The following MAP3K5 variants were observed in gnomAD, a reference collection of about 807,000 sequenced individuals.
MAP3K5 encodes the protein mitogen-activated protein kinase kinase kinase 5, also known as ASK-1.
In MAP3K5, 56 loss-of-function variants were observed where a neutral mutation model predicts 158.7. The ratio of observed to expected loss-of-function variants is 0.35; its 90% confidence interval spans 0.28 to 0.44. MAP3K5 has a LOEUF of 0.44. Among genes scored for constraint, MAP3K5 ranks in the 20% least tolerant of loss-of-function variants. MAP3K5 has a pLI of 1.00. For synonymous variants in MAP3K5, 579 were observed against 601.7 expected, an observed-to-expected ratio of 0.96 and a Z score of 0.55; for missense variants, 1,294 against 1,674.8, an observed-to-expected ratio of 0.77 and a Z score of 3.97.
chr6:136,592,176 A>T lies in MAP3K5; in HGVS notation c.3222T>A (p.Ala1074=). Reference sequence around the variant, plus strand: ...AAGCACCTGGGAGAGGATTTACCTGAGCTAAAGATTCCATTAGGTTTCTCA... The same window carrying T: ...AAGCACCTGGGAGAGGATTTACCTGTGCTAAAGATTCCATTAGGTTTCTCA... The part of the protein sequence containing the change: ...KIVRNLMESL[A]QGAEEPKLKW... Residue 1074 remains alanine (A), a synonymous_variant, in exon 23 of 30, where the codon GCT becomes GCA. Transcript: ENST00000359015. 1 of 1,583,200 alleles carries T rather than the reference A, an allele frequency of 6.3e-7. No homozygotes were observed.
intron 7 of MAP3K5, 122 bp downstream of exon 7, chr6:136,694,018 G>A (rs1780496421): frequency 1.4e-6 from 1 of 702,856 alleles, no homozygotes; most frequent in African/African-American, 1.8e-5. Context: ...TAAAATCTAA[G>A]GTTTAGTTCA....
intron 1 of MAP3K5, among the ~76,000 whole-genome samples, chr6:136,723,877 TAAAG>T (rs1337819475): frequency 6.6e-6 from 1 of 152,092 alleles, no homozygotes; most frequent in Non-Finnish European, 1.5e-5. Context: ...TTAATACAAA[TAAAG>T]AGTTTTCTTT....
intron 3 of MAP3K5, among the ~76,000 whole-genome samples, chr6:136,704,472 C>G (rs1382893438): frequency 6.6e-6 from 1 of 152,164 alleles, no homozygotes; most frequent in Non-Finnish European, 1.5e-5. Flanking sequence ...GTGTGTGTAT[C>G]TGTGTGTGGA....
At position 136,698,663 on chromosome 6, in the gene MAP3K5, G is replaced by A. The variant is rs753459431; in HGVS notation, c.632C>T (p.Thr211Ile). ...TGGAGTTATCATGTAAGGAACAAAG[G>A]TGTAGTTCCCAGTGCACATCTGCGG... Reference protein sequence around the residue: ...QKNTMCTGNYTFVPYMITPHN... With the variant: ...QKNTMCTGNYIFVPYMITPHN... Residue 211 changes from threonine to isoleucine, a missense_variant, in exon 4 of 30, where the codon ACC becomes ATC. Transcript: ENST00000359015. The A allele has an allele frequency of 6.2e-7, 1 of 1,613,722 alleles. No homozygotes were observed. Among genetic ancestry groups the A allele is most frequent in the South Asian group, 1.1e-5 (1 of 91,068 alleles).
intron 26 of MAP3K5, among the ~76,000 whole-genome samples, chr6:136,563,446 T>C (rs1830603815): frequency 6.6e-6 from 1 of 152,226 alleles, no homozygotes; most frequent in Non-Finnish European, 1.5e-5. Flanking sequence ...ATATCTGGCA[T>C]ATAACAAATT....
rs181637982 is a variant in MAP3K5 at position 136,771,993 on chromosome 6, C to T, written c.448+19717G>A. On this transcript the variant is annotated intron_variant, in intron 1 of 29. Coordinates refer to ENST00000359015, the MANE Select transcript of MAP3K5 (RefSeq NM_005923.4). ...GGAGTGCAGTGGCTCACTGCAACCT[C>T]TGCTTCCCAGGTTCAAGCGATTCTC... 2.0e-3 allele frequency among the ~76,000 whole-genome samples: 303 copies of T among 151,898 alleles called. 4 individuals are homozygous for T. The highest frequency in any genetic ancestry group is 0.017 in the Admixed American group (267 of 15,262).
rs758532405 is a variant in MAP3K5 at position 136,669,426 on chromosome 6, T to A, written c.1254-31A>T. ...AAAAACCACAAATGTACAAGTTAAC[T>A]TTCTCAATCATGAAACCCTGGGTGT... On this transcript the variant is annotated intron_variant, in intron 7 of 29. Transcript: ENST00000359015. The A allele has an allele frequency of 3.9e-6, 5 of 1,291,062 alleles. No homozygotes were observed. In the South Asian group the frequency reaches 6.0e-5, roughly 16 times the overall value. 80.0% of individuals were successfully genotyped at this position (1,291,062 alleles called of 1,614,324 possible).
chr6:136,628,133 A>G (rs969652208), intron 14 of MAP3K5, among the ~76,000 whole-genome samples: 7 of 151,378 alleles, frequency 4.6e-5, no homozygotes, highest in African/African-American at 1.7e-4. Flanking sequence ...TTTTTTTTAA[A>G]GAGTGTTTTG....
chr6:136,633,829 G>A (rs998219841), intron 14 of MAP3K5, among the ~76,000 whole-genome samples: 1 of 152,232 alleles, frequency 6.6e-6, no homozygotes, highest in African/African-American at 2.4e-5. Flanking sequence ...AAAACATTAA[G>A]TAGCATTTCC....
chr6:136,733,548 T>C (rs1782316251), intron 1 of MAP3K5, among the ~76,000 whole-genome samples: 1 of 152,358 alleles, frequency 6.6e-6, no homozygotes, highest in East Asian at 1.9e-4. Flanking sequence ...AAAAGTGTTA[T>C]TCTCCTTCCA....
Position 136,600,999 on chromosome 6 carries a change from G to A in MAP3K5, c.2878+23C>T, listed in dbSNP as rs1775849397. 3.7e-6 allele frequency: 6 copies of A among 1,613,344 alleles called. No individual in the cohort carries two copies. In the South Asian group the frequency reaches 5.5e-5, roughly 15 times the overall value. On this transcript the variant is annotated intron_variant, in intron 21 of 29. Transcript: ENST00000359015. The stretch of plus-strand genomic sequence containing the variant: ...ACCAGACACCAGGTCTCAGCTCAAT[G>A]GGCAAAGTAAAAACAAACTCACCAT...
intron 28 of MAP3K5, 48 bp from the exon 29 acceptor site, chr6:136,558,924 A>G: frequency 2.2e-6 from 2 of 924,840 alleles, no homozygotes. Context: ...TATAACTTTA[A>G]TAAAGCACAA....
chr6:136,575,028 T>G (rs1479822059), intron 25 of MAP3K5, among the ~76,000 whole-genome samples: 1 of 152,080 alleles, frequency 6.6e-6, no homozygotes, highest in Non-Finnish European at 1.5e-5. Flanking sequence ...GAAATAATTT[T>G]AGGATAACAG....
At chr6:136,615,919 T>C (rs1017752186) in intron 15 of MAP3K5, among the ~76,000 whole-genome samples, 1 of 152,154 alleles carries the variant, frequency 6.6e-6, no homozygotes, top group African/African-American at 2.4e-5. Context: ...GAGTAAGTGC[T>C]TTAGCTAAAG....
rs375000630 is a variant in MAP3K5 at position 136,656,439 on chromosome 6, C to T, written c.1548G>A (p.Glu516=). 6.3e-6 allele frequency: 10 copies of T among 1,595,486 alleles called. No homozygotes were observed. In the South Asian group the frequency reaches 8.0e-5, roughly 13 times the overall value. ...TPAWYLKSIV[E]TILIYKHFVK... Reference sequence around the variant, plus strand: ...CAAAATGCTTATATATTAAAATTGTCTCTACAATAGACTTGAGGTACCTGA... The same window carrying T: ...CAAAATGCTTATATATTAAAATTGTTTCTACAATAGACTTGAGGTACCTGA... The change falls in exon 10 of 30, where the codon GAG becomes GAA. Residue 516 remains glutamate (E), a synonymous_variant. Transcript: ENST00000359015.
chr6:136,722,030 G>A (rs564487205), intron 1 of MAP3K5, among the ~76,000 whole-genome samples: 2 of 152,216 alleles, frequency 1.3e-5, no homozygotes, highest in Non-Finnish European at 2.9e-5. Context: ...CTATATAATG[G>A]CTTTCTGAAA....
chr6:136,665,352 T>TC (rs1779180290), intron 8 of MAP3K5, among the ~76,000 whole-genome samples: 1 of 151,768 alleles, frequency 6.6e-6, no homozygotes, highest in Admixed American at 6.6e-5. Context: ...AGCTGTATTT[T>TC]TTTTTTTTTT....
chr6:136,757,579 A>ATTTAT lies in MAP3K5; in HGVS notation c.448+34130_448+34131insATAAA, dbSNP rs1562679137. Among the ~76,000 whole-genome samples, 258 of 111,884 alleles carry ATTTAT rather than the reference A, an allele frequency of 2.3e-3. 1 individual carries two copies. The highest frequency in any genetic ancestry group is 3.6e-3 in the South Asian group (13 of 3,576). 73.4% of individuals were successfully genotyped at this position (111,884 alleles called of 152,430 possible). A position where few individuals can be genotyped will look rare whatever the true frequency, so the allele number is the denominator to read the frequency against. On this transcript the variant is annotated intron_variant, in intron 1 of 29. Coordinates refer to ENST00000359015, the MANE Select transcript of MAP3K5 (RefSeq NM_005923.4). Reference sequence around the variant, plus strand: ...ACTCATTTTATAGATTTATTTATTTATTTTTTATTTTTTTTTTTTTTTTTT... The same window carrying ATTTAT: ...ACTCATTTTATAGATTTATTTATTTATTTATTTTTTTATTTTTTTTTTTTTTTTTT...
intron 1 of MAP3K5, among the ~76,000 whole-genome samples, chr6:136,747,753 T>C (rs1783023822): frequency 6.6e-6 from 1 of 152,214 alleles, no homozygotes; most frequent in Admixed American, 6.5e-5. Context: ...GGGTGATGAT[T>C]ACCTTTCTCA....
Sources: gnomAD v4.1 joint callset for allele counts (sites outside exome capture counted in the v4.1 genomes callset) on GRCh38, gnomAD v4.1.1 for gene constraint, MANE v1.5 for transcripts, NCBI Gene and HGNC (gene_info 2026-07-23, HGNC 2026-07-21) for gene names.